Variants in RIMS2 observed in about 807,000 individuals in gnomAD.
The protein encoded by RIMS2 is regulating synaptic membrane exocytosis 2.
Under a neutral mutation model 174.4 loss-of-function variants are expected in RIMS2, and 59 were observed. The ratio of observed to expected loss-of-function variants is 0.34; its 90% CI spans 0.27 to 0.42. The LOEUF is 0.42. Among genes scored for constraint, RIMS2 ranks in the 10% least tolerant of loss-of-function variants. The pLI is 1.00. For missense variants in RIMS2, 1,620 were observed against 1,666.3 expected, an observed-to-expected ratio of 0.97 and a Z score of 0.48; for synonymous variants, 606 against 572.5, an observed-to-expected ratio of 1.06 and a Z score of -0.84.
intron 1 of RIMS2, among the ~76,000 whole-genome samples, chr8:103,576,759 G>A (rs750213927): frequency 6.6e-5 from 10 of 152,164 alleles, no homozygotes; most frequent in Non-Finnish European, 1.3e-4. Context: ...AGAGGCCTCA[G>A]AAATAACATC....
intron 19 of RIMS2, among the ~76,000 whole-genome samples, chr8:104,037,541 A>G (rs1051724954): frequency 1.1e-4 from 17 of 152,058 alleles, no homozygotes; most frequent in Admixed American, 1.1e-3. Context: ...GATATCAAAC[A>G]CCCTTGGTGA....
chr8:103,710,400 A>G (rs1164689289), intron 2 of RIMS2, among the ~76,000 whole-genome samples: 1 of 152,188 alleles, frequency 6.6e-6, no homozygotes, highest in Non-Finnish European at 1.5e-5. Context: ...AGGGCAGGAC[A>G]TATGGAAGTA....
At chr8:103,903,467 A>G (rs1368552450) in intron 4 of RIMS2, among the ~76,000 whole-genome samples, 1 of 152,164 alleles carries the variant, frequency 6.6e-6, no homozygotes, top group Non-Finnish European at 1.5e-5. Context: ...TCTTAATGTA[A>G]TGACTGTATG....
chr8:104,090,179 A>C (rs943406961), intron 19 of RIMS2, among the ~76,000 whole-genome samples: 15 of 151,790 alleles, frequency 9.9e-5, no homozygotes, highest in African/African-American at 2.9e-4. Flanking sequence ...TAAAACCTTT[A>C]CACTATTATA....
chr8:103,589,960 G>A (rs1174371482), intron 1 of RIMS2, among the ~76,000 whole-genome samples: 1 of 151,288 alleles, frequency 6.6e-6, no homozygotes, highest in African/African-American at 2.4e-5. Flanking sequence ...TCTAGGGGGA[G>A]GTGGGAATGG....
chr8:103,797,643 T>G (rs1000505957), intron 3 of RIMS2, among the ~76,000 whole-genome samples: 1 of 152,216 alleles, frequency 6.6e-6, no homozygotes, highest in East Asian at 1.9e-4. Flanking sequence ...TTGCTACATA[T>G]CAGATTGATC....
chr8:104,111,702 G>C (rs182839575), intron 19 of RIMS2, among the ~76,000 whole-genome samples: 85 of 152,198 alleles, frequency 5.6e-4, no homozygotes, highest in Non-Finnish European at 9.1e-4. Context: ...CACCGCACCC[G>C]GCCTCCCATT....
chr8:104,032,517 G>A (rs1191845044), intron 19 of RIMS2, among the ~76,000 whole-genome samples: 2 of 151,894 alleles, frequency 1.3e-5, no homozygotes, highest in Non-Finnish European at 2.9e-5. Context: ...GGAACACTAG[G>A]CGTAAATGGA....
intron 19 of RIMS2, among the ~76,000 whole-genome samples, chr8:104,155,866 A>G (rs2098720878): frequency 6.6e-6 from 1 of 152,162 alleles, no homozygotes; most frequent in South Asian, 2.1e-4. Flanking sequence ...AGACACTATG[A>G]CACTTTAAGA....
chr8:103,945,307 T>A (rs993460828), intron 14 of RIMS2, among the ~76,000 whole-genome samples: 1 of 152,066 alleles, frequency 6.6e-6, no homozygotes, highest in Non-Finnish European at 1.5e-5. Flanking sequence ...GAATTGATAA[T>A]GAAAAAATCT....
chr8:104,000,328 C>T (rs1386970231), intron 17 of RIMS2, among the ~76,000 whole-genome samples: 5 of 151,596 alleles, frequency 3.3e-5, no homozygotes, highest in African/African-American at 9.7e-5. Context: ...TAGCTTATTT[C>T]GTTTAATATA....
chr8:103,593,658 A>T (rs1301105551), intron 1 of RIMS2, among the ~76,000 whole-genome samples: 1 of 151,568 alleles, frequency 6.6e-6, no homozygotes, highest in Non-Finnish European at 1.5e-5. Flanking sequence ...CCTTCTACTA[A>T]GCTAGACCTT....
chr8:104,245,623 CT>C (rs1398377963), intron 20 of RIMS2, among the ~76,000 whole-genome samples: 2 of 152,184 alleles, frequency 1.3e-5, no homozygotes, highest in African/African-American at 4.8e-5. Context: ...GCATTTTTAG[CT>C]TGTGTAGTTC....
intron 2 of RIMS2, among the ~76,000 whole-genome samples, chr8:103,723,760 G>A (rs1040127912): frequency 2.6e-5 from 4 of 152,198 alleles, no homozygotes; most frequent in Non-Finnish European, 5.9e-5. Flanking sequence ...CAACATGAAA[G>A]GCTTGAAGTG....
At chr8:104,248,563 G>A in intron 20 of RIMS2, 138 bp from the exon 27 acceptor site, 1 of 625,738 alleles carries the variant, frequency 1.6e-6, no homozygotes, top group Non-Finnish European at 2.9e-6. Context: ...GGTGGAACTG[G>A]GTATTTGGAT....
intron 19 of RIMS2, among the ~76,000 whole-genome samples, chr8:104,029,498 A>G (rs2096339084): frequency 1.3e-5 from 2 of 152,180 alleles, no homozygotes; most frequent in Non-Finnish European, 1.5e-5. Flanking sequence ...TCAATCATTG[A>G]TAGCTTTGAT....
intron 19 of RIMS2, among the ~76,000 whole-genome samples, chr8:104,112,418 T>A (rs1050689148): frequency 2.0e-5 from 3 of 152,090 alleles, no homozygotes; most frequent in African/African-American, 7.2e-5. Context: ...ATGGCATTCC[T>A]ATACTATATA....
chr8:103,861,647 T>C (rs1469744185), intron 3 of RIMS2, among the ~76,000 whole-genome samples: 1 of 152,142 alleles, frequency 6.6e-6, no homozygotes, highest in Non-Finnish European at 1.5e-5. Context: ...ATCTGTTGTT[T>C]TTTGACTTTT....
At chr8:103,912,934 A>G (rs2075951997) in intron 6 of RIMS2, among the ~76,000 whole-genome samples, 1 of 149,598 alleles carries the variant, frequency 6.7e-6, no homozygotes. Context: ...CCTAGACAAC[A>G]TAGTGAAGTC....
Sources: allele counts gnomAD v4.1 joint callset (sites outside exome capture counted in the v4.1 genomes callset), GRCh38; gene constraint gnomAD v4.1.1; transcripts MANE v1.5; gene names NCBI Gene and HGNC (gene_info 2026-07-23, HGNC 2026-07-21).